RSPH1: variants seen among roughly 807,000 people sequenced by gnomAD.
RSPH1 encodes the protein radial spoke head component 1.
In RSPH1, 32 loss-of-function variants were observed where a neutral mutation model predicts 44.2. The ratio of observed to expected loss-of-function variants is 0.72; its 90% confidence interval spans 0.55 to 0.97. The LOEUF (loss-of-function observed/expected upper bound fraction) is 0.97, where lower values mean the gene tolerates loss of function less well. Ranked by LOEUF, RSPH1 falls within the 50% of genes least tolerant of loss-of-function variation. RSPH1 has a pLI of 0.00. For synonymous variants in RSPH1, 134 were observed against 147.3 expected (o/e 0.91, Z 0.65); for missense variants, 391 against 398.7 (o/e 0.98, Z 0.16).
chr21:42,488,096 G>A (rs2054197902), intron 3 of RSPH1, among the ~76,000 whole-genome samples: 1 of 152,238 alleles, frequency 6.6e-6, no homozygotes, highest in Non-Finnish European at 1.5e-5. Flanking sequence ...TTCATGGAGA[G>A]AGGGAAGGTG....
At chr21:42,478,061 G>A (rs182470749) in intron 6 of RSPH1, among the ~76,000 whole-genome samples, 71 of 152,318 alleles carry the variant, frequency 4.7e-4, no homozygotes, top group African/African-American at 1.7e-3. Flanking sequence ...CAGAATGAGA[G>A]TTCATCAAGT....
chr21:42,480,682 T>C (rs973593291), intron 6 of RSPH1, among the ~76,000 whole-genome samples: 10 of 146,442 alleles, frequency 6.8e-5, no homozygotes, highest in South Asian at 2.2e-4. Context: ...CTGGAGAGCA[T>C]TGAAGAGCAT....
At chr21:42,477,548 C>A in intron 6 of RSPH1, 104 bp from the exon 7 acceptor site, 1 of 1,266,748 alleles carries the variant, frequency 7.9e-7, no homozygotes, top group South Asian at 1.3e-5. Context: ...CAGGTTTTGG[C>A]TTGTGTTTCA....
chr21:42,486,324 C>A, intron 4 of RSPH1, 47 bp downstream of exon 4: 1 of 1,317,594 alleles, frequency 7.6e-7, no homozygotes, highest in Non-Finnish European at 1.1e-6. Context: ...ACATCATGTT[C>A]TCATTACATA....
chr21:42,476,965 C>T (rs1262787972), intron 7 of RSPH1, among the ~76,000 whole-genome samples: 5 of 151,642 alleles, frequency 3.3e-5, no homozygotes, highest in African/African-American at 1.2e-4. Flanking sequence ...ACCCTCCATC[C>T]CACAGCCTGG....
intron 1 of RSPH1, among the ~76,000 whole-genome samples, chr21:42,494,099 A>G (rs1224808531): frequency 6.6e-6 from 1 of 152,216 alleles, no homozygotes; most frequent in African/African-American, 2.4e-5. Flanking sequence ...AAAGCTTGCA[A>G]TTTTCCTATC....
intron 5 of RSPH1, 128 bp from the exon 6 acceptor site, chr21:42,482,836 C>T (rs1028198459): frequency 4.9e-6 from 3 of 609,016 alleles, no homozygotes; most frequent in Non-Finnish European, 8.6e-6. Flanking sequence ...TTAAGGAATG[C>T]TTTTGTGAAC....
In RSPH1 at chr21:42,477,348, G is replaced by T. The variant is rs375795708; in HGVS notation, c.670C>A (p.Leu224Ile). ...ITELALWTPT[L>I]PKKPTSTDGP... The stretch of plus-strand genomic sequence containing the variant: ...TCCGTAGAGGTCGGCTTTTTGGGGA[G>T]AGTTGGTGTCCACAGGGCCAATTCA... The change falls in exon 7 of 9, where the codon CTC becomes ATC. Residue 224 changes from leucine to isoleucine, a missense_variant. Transcript: ENST00000291536. The T allele has an allele frequency of 9.9e-6, 16 of 1,614,004 alleles. No individual in the cohort carries two copies. The highest frequency in any genetic ancestry group is 1.2e-5 in the Non-Finnish European group (14 of 1,180,028).
Position 42,486,477 on chromosome 21 carries a change from C to G in RSPH1, c.275-16G>C. On this transcript the variant is annotated splice_polypyrimidine_tract_variant and intron_variant, in intron 3 of 8. Coordinates refer to ENST00000291536, the MANE Select transcript of RSPH1 (RefSeq NM_080860.4). Reference sequence around the variant, plus strand: ...GCCCACTCTCCTGAAAGGAACAACACAAAGGCAAGCCCAGGTGAGAAGAAG... The same window carrying G: ...GCCCACTCTCCTGAAAGGAACAACAGAAAGGCAAGCCCAGGTGAGAAGAAG... 2.5e-6 allele frequency: 4 copies of G among 1,591,870 alleles called. No individual in the cohort carries two copies. Among genetic ancestry groups the G allele is most frequent in the Non-Finnish European group, 3.4e-6 (4 of 1,159,664 alleles).
At chr21:42,482,420 C>A (rs1402987834) in intron 6 of RSPH1, among the ~76,000 whole-genome samples, 1 of 152,192 alleles carries the variant, frequency 6.6e-6, no homozygotes, top group African/African-American at 2.4e-5. Flanking sequence ...TATCTATCAA[C>A]AAAGTCTAGA....
intron 3 of RSPH1, among the ~76,000 whole-genome samples, chr21:42,490,556 A>C (rs1568967138): frequency 6.6e-6 from 1 of 152,170 alleles, no homozygotes; most frequent in Non-Finnish European, 1.5e-5. Flanking sequence ...GTAGTGGCTA[A>C]ATCTTGCACC....
At position 42,486,430 on chromosome 21, in the gene RSPH1, A is replaced by G. The variant is rs987342960; in HGVS notation, c.306T>C (p.His102=). ...CATTATTGATGTAGTAGTATACGCC[A>G]TGGCCGTGCCGCAGGTCATTTGCCC... ...GEWANDLRHG[H]GVYYYINNDT... is the part of the protein sequence containing the mutation. Residue 102 remains histidine (H), a synonymous_variant, in exon 4 of 9, where the codon CAT becomes CAC. Transcript: ENST00000291536. 7 of 1,614,008 alleles carry G rather than the reference A, an allele frequency of 4.3e-6. No homozygotes were observed. Among genetic ancestry groups the G allele is most frequent in the Admixed American group, 3.3e-5 (2 of 60,006 alleles).
intron 7 of RSPH1, among the ~76,000 whole-genome samples, chr21:42,476,414 T>C (rs553509861): frequency 4.0e-4 from 61 of 152,292 alleles, no homozygotes; most frequent in African/African-American, 1.4e-3. Flanking sequence ...TTCTGGGGGC[T>C]GTCCCGGAGC....
In RSPH1 at chr21:42,482,697, A is replaced by G. The variant is rs767684217; in HGVS notation, c.513T>C (p.Pro171=). The G allele has an allele frequency of 3.1e-5, 50 of 1,612,558 alleles. 1 individual carries two copies. The Admixed American group carries it at 8.2e-4, about 26-fold the overall frequency. Residue 171 remains proline, a synonymous_variant, in exon 6 of 9, where the codon CCT becomes CCC. Coordinates refer to ENST00000291536, the MANE Select transcript of RSPH1 (RefSeq NM_080860.4). ...ACCCAACATCAAATACATACTTTCC[A>G]GGGCCAACAGGCTACGAGCAAAGAG... The part of the protein sequence containing the change: ...GKFLNKNPVG[P]GKYVFDVGCE...
chr21:42,486,149 C>T (rs535329181), intron 4 of RSPH1: 10 of 579,262 alleles, frequency 1.7e-5, no homozygotes, highest in African/African-American at 7.5e-5. Flanking sequence ...GAAAGACTCA[C>T]GTGCTCTGCC....
Position 42,472,785 on chromosome 21 carries a change from T to G in RSPH1, c.*33A>C. On this transcript the variant is annotated 3_prime_UTR_variant, in exon 9 of 9. Transcript: ENST00000291536. Reference sequence around the variant, plus strand: ...CACCCGGCTAACGACAGAAGCATTCTTATGATACGATCTCCTCTCGGCTCA... The same window carrying G: ...CACCCGGCTAACGACAGAAGCATTCGTATGATACGATCTCCTCTCGGCTCA... The G allele has an allele frequency of 6.4e-7, 1 of 1,554,010 alleles. No individual in the cohort carries two copies.
intron 3 of RSPH1, among the ~76,000 whole-genome samples, chr21:42,489,204 G>T (rs769056028): frequency 8.6e-5 from 13 of 151,816 alleles, no homozygotes; most frequent in Non-Finnish European, 1.0e-4. Context: ...TGGTTGTTTG[G>T]TTGGTTGGCT....
rs949529534 is a variant in RSPH1, at chr21:42,473,343, T to A, written c.878-473A>T. 2.0e-5 allele frequency among the ~76,000 whole-genome samples: 3 copies of A among 151,962 alleles called. No individual in the cohort carries two copies. The South Asian group carries it at 6.2e-4, about 32-fold the overall frequency. ...CCGTCTCAACTAAAAATACAAAAAT[T>A]AGCTGGGCATGGTGGTACATGCCTG... is the stretch of plus-strand genomic sequence containing the variant. On this transcript the variant is annotated intron_variant, in intron 8 of 8. Coordinates refer to ENST00000291536, the MANE Select transcript of RSPH1 (RefSeq NM_080860.4).
At chr21:42,489,269 T>C (rs568964669) in intron 3 of RSPH1, among the ~76,000 whole-genome samples, 2 of 149,286 alleles carry the variant, frequency 1.3e-5, no homozygotes, top group East Asian at 3.9e-4. Flanking sequence ...GGTTGGCTGG[T>C]TGGTTGGTTG....
Sources: gnomAD v4.1 joint callset for allele counts (sites outside exome capture counted in the v4.1 genomes callset) on GRCh38, gnomAD v4.1.1 for gene constraint, MANE v1.5 for transcripts, NCBI Gene and HGNC (gene_info 2026-07-23, HGNC 2026-07-21) for gene names.